Variants in DGKZ observed in about 807,000 individuals in gnomAD.
DGKZ encodes the protein diacylglycerol kinase zeta.
In DGKZ, 45 loss-of-function variants were observed where a neutral mutation model predicts 142.5. The observed-to-expected ratio is 0.32, with a 90% CI of 0.25 to 0.40. The LOEUF is 0.40. Ranked by LOEUF, DGKZ falls within the 10% of genes least tolerant of loss-of-function variation. The pLI, the probability that DGKZ is intolerant of heterozygous loss-of-function variation, is 1.00. For missense variants in DGKZ, 755 were observed against 1,306.5 expected (o/e 0.58, Z 6.51); for synonymous variants, 442 against 527.0 (o/e 0.84, Z 2.21).
At chr11:46,379,992 G>T (rs369035474) in exon 31 of DGKZ, 22 of 1,542,484 alleles carry the variant, frequency 1.4e-5, no homozygotes, top group South Asian at 3.6e-5. Context: ...GCCAGGGGAC[G>T]AGCGCCTTCC....
intron 8 of DGKZ, 25 bp downstream of exon 8, chr11:46,371,628 G>T (rs770156709): frequency 4.3e-6 from 7 of 1,613,324 alleles, no homozygotes; most frequent in Non-Finnish European, 5.9e-6. Context: ...CACCCTTGAT[G>T]CCCCGTACGC....
At chr11:46,358,160 G>A (rs1268903828) in intron 1 of DGKZ, among the ~76,000 whole-genome samples, 1 of 152,142 alleles carries the variant, frequency 6.6e-6, no homozygotes, top group Non-Finnish European at 1.5e-5. Flanking sequence ...AAAAGCAGTG[G>A]TGGGTAAAAC....
chr11:46,364,338 G>T (rs1169864265), intron 1 of DGKZ: 1 of 1,283,172 alleles, frequency 7.8e-7, no homozygotes, highest in Non-Finnish European at 1.0e-6. Flanking sequence ...GTGTTTGTCA[G>T]GGGCTTAGCA....
At chr11:46,373,172 G>A in intron 14 of DGKZ, 71 bp downstream of exon 14, 3 of 1,473,922 alleles carry the variant, frequency 2.0e-6, no homozygotes, top group Non-Finnish European at 2.7e-6. Flanking sequence ...CCACTTGCTG[G>A]TTCTGGGACC....
rs752269277 is a variant in DGKZ at position 46,347,761 on chromosome 11, C to T, written c.102C>T (p.Asp34=). The change falls in exon 1 of 31, where the codon GAC becomes GAT. Residue 34 remains aspartate (D), a synonymous_variant. Coordinates refer to ENST00000527911, the Ensembl canonical transcript of DGKZ. This position sits in a 1 kb window ranked among gnomAD's most constrained non-coding sequence, Gnocchi z 6.4. ...AGCGCGACGCCGGTCCCGAGCCGGA[C>T]AAGGCGCCGCGGCGACTCAACAAGC... 7 of 1,428,648 alleles carry T rather than the reference C, an allele frequency of 4.9e-6. No homozygotes were observed. Among genetic ancestry groups the T allele is most frequent in the Middle Eastern group, 2.5e-4 (1 of 4,056 alleles). 88.5% of individuals were successfully genotyped at this position (1,428,648 alleles called of 1,614,324 possible).
intron 19 of DGKZ, 117 bp downstream of exon 19, chr11:46,375,162 C>T: frequency 1.9e-6 from 2 of 1,034,010 alleles, no homozygotes; most frequent in Non-Finnish European, 2.7e-6. Context: ...CCTTCTTTGT[C>T]TCATTCCTCT....
At chr11:46,333,364 G>A in exon 1 of DGKZ, 2 of 1,375,052 alleles carry the variant, frequency 1.5e-6, no homozygotes, top group Non-Finnish European at 1.9e-6. Flanking sequence ...CGGCGGCGAT[G>A]CCGGCGCGGG....
At position 46,372,374 on chromosome 11, in the gene DGKZ, T is replaced by C. The variant is rs1269206229; in HGVS notation, c.928-54T>C. On this transcript the variant is annotated intron_variant, in intron 10 of 30. Transcript: ENST00000527911. The surrounding 1 kb of genome is among the most constrained non-coding windows in gnomAD (Gnocchi z 5.9). ...AGTCACACCCCTCTCCCTCTGCTGC[T>C]CCCACTTCGTCCCACCACTGCCTGA... 5.0e-6 allele frequency: 8 copies of C among 1,586,006 alleles called. No homozygotes were observed. In the East Asian group the frequency reaches 1.8e-4, roughly 35 times the overall value.
chr11:46,369,598 A>C (rs1174735606), intron 5 of DGKZ, 48 bp downstream of exon 5: 1 of 1,608,556 alleles, frequency 6.2e-7, no homozygotes, highest in African/African-American at 1.3e-5. Flanking sequence ...AGATTCCTGC[A>C]TGGGCCTCTG....
At position 46,347,836 on chromosome 11, in the gene DGKZ, G is replaced by A; in HGVS notation, c.161+16G>A. 7.8e-7 allele frequency: 1 copy of A among 1,280,778 alleles called. No homozygotes were observed. The highest frequency in any genetic ancestry group is 9.9e-7 in the Non-Finnish European group (1 of 1,011,682). The allele number at this position is 1,280,778 out of a possible 1,614,324, so 79.3% of individuals were successfully genotyped here. ...TCGGGCACAGGTGAGCGGGGCGGCG[G>A]CGGGGCAGGCACCGAGGCACCGGCA... is the stretch of plus-strand genomic sequence containing the variant. On this transcript the variant is annotated intron_variant, in intron 1 of 30. Transcript: ENST00000527911. The surrounding 1 kb of genome is among the most constrained non-coding windows in gnomAD (Gnocchi z 6.4).
upstream of DGKZ, among the ~76,000 whole-genome samples, chr11:46,346,159 A>G (rs1000513074): frequency 6.6e-6 from 1 of 152,206 alleles, no homozygotes; most frequent in Non-Finnish European, 1.5e-5. Flanking sequence ...TTCTTCCTCA[A>G]AATCACAGGC....
upstream of DGKZ, among the ~76,000 whole-genome samples, chr11:46,346,207 C>A (rs773144322): frequency 3.9e-5 from 6 of 152,164 alleles, no homozygotes; most frequent in Non-Finnish European, 5.9e-5. Flanking sequence ...TGGCTATTTG[C>A]GGCTGACTAA....
chr11:46,371,979 C>A (rs1943997737), intron 9 of DGKZ, 96 bp from the exon 10 acceptor site: 1 of 1,324,688 alleles, frequency 7.5e-7, no homozygotes, highest in Non-Finnish European at 1.1e-6. Context: ...CGTGAGGGTA[C>A]AAAGAGGGAA....
chr11:46,357,768 C>T (rs1214690455), intron 1 of DGKZ, among the ~76,000 whole-genome samples: 4 of 152,222 alleles, frequency 2.6e-5, no homozygotes, highest in South Asian at 2.1e-4. Context: ...GCCAAATGGG[C>T]AGTGCGGAGC....
chr11:46,351,569 G>T (rs1354402801), intron 1 of DGKZ, among the ~76,000 whole-genome samples: 2 of 152,214 alleles, frequency 1.3e-5, no homozygotes, highest in Non-Finnish European at 2.9e-5. Flanking sequence ...TTTTGCAGAG[G>T]TGAGAACCCT....
intron 1 of DGKZ, chr11:46,366,696 G>C (rs1393412919): frequency 6.4e-7 from 1 of 1,566,214 alleles, no homozygotes; most frequent in Non-Finnish European, 8.6e-7. Flanking sequence ...CCCCCACCTC[G>C]GGGCGCCCAG....
intron 1 of DGKZ, among the ~76,000 whole-genome samples, chr11:46,335,608 C>T (rs752183678): frequency 6.6e-6 from 1 of 152,178 alleles, no homozygotes; most frequent in Admixed American, 6.5e-5. Flanking sequence ...TGTGTGAGGG[C>T]GGCAGAAAAC....
upstream of DGKZ, chr11:46,345,608 G>A: frequency 6.7e-7 from 1 of 1,489,294 alleles, no homozygotes; most frequent in Non-Finnish European, 8.9e-7. This position sits in a 1 kb window ranked among gnomAD's most constrained non-coding sequence, Gnocchi z 4.1. Context: ...GGTGGCCTGG[G>A]AGTGGGCATG....
chr11:46,361,863 T>A (rs1035744756), intron 1 of DGKZ: 1 of 182,808 alleles, frequency 5.5e-6, no homozygotes, highest in African/African-American at 2.4e-5. Flanking sequence ...TGGAAAAGGG[T>A]CCCCCCGAGC....
Sources: gnomAD v4.1 joint callset for allele counts (sites outside exome capture counted in the v4.1 genomes callset) on GRCh38, gnomAD v4.1.1 for gene constraint, Gnocchi (gnomAD v3.1) non-coding constraint, MANE v1.5 for transcripts, NCBI Gene and HGNC (gene_info 2026-07-23, HGNC 2026-07-21) for gene names.